ZNF354B: variants seen among roughly 807,000 people sequenced by gnomAD.
ZNF354B encodes the protein zinc finger protein 354B.
A neutral mutation model predicts 12.9 loss-of-function variants in ZNF354B; 10 were observed. The observed-to-expected ratio is 0.77, with a 90% confidence interval of 0.48 to 1.31. ZNF354B has a LOEUF of 1.31. ZNF354B is among the 40% of genes most tolerant of loss of function. ZNF354B has a pLI of 0.00. For missense variants in ZNF354B, 614 were observed against 711.7 expected, an observed-to-expected ratio of 0.86 and a Z score of 1.56; for synonymous variants, 260 against 243.7, an observed-to-expected ratio of 1.07 and a Z score of -0.62.
chr5:178,875,258 G>A (rs1050917021), intron 4 of ZNF354B, among the ~76,000 whole-genome samples: 1 of 152,212 alleles, frequency 6.6e-6, no homozygotes, highest in Non-Finnish European at 1.5e-5. Flanking sequence ...AGGCAACAGG[G>A]GAAGGGACTC....
intron 2 of ZNF354B, among the ~76,000 whole-genome samples, chr5:178,863,219 G>A (rs1437063692): frequency 3.3e-5 from 5 of 151,972 alleles, no homozygotes; most frequent in Admixed American, 1.3e-4. Flanking sequence ...AAATTTTAGA[G>A]AATAAAACAT....
intron 4 of ZNF354B, among the ~76,000 whole-genome samples, chr5:178,879,375 A>G (rs1757685595): frequency 7.0e-6 from 1 of 142,634 alleles, no homozygotes; most frequent in South Asian, 2.2e-4. Context: ...CAGAAACCAG[A>G]GTTGTTTTTG....
intron 4 of ZNF354B, among the ~76,000 whole-genome samples, chr5:178,868,368 T>C (rs1351123247): frequency 7.2e-6 from 1 of 139,220 alleles, no homozygotes; most frequent in East Asian, 2.1e-4. Flanking sequence ...ATCGTGGCAG[T>C]GGGGGACTGA....
chr5:178,862,660 G>A (rs1040310910), intron 2 of ZNF354B, among the ~76,000 whole-genome samples: 2 of 152,200 alleles, frequency 1.3e-5, no homozygotes, highest in Admixed American at 6.5e-5. Flanking sequence ...GAGCCGCCGC[G>A]CCTGGCGGCG....
At chr5:178,871,465 C>G (rs1757563958) in intron 4 of ZNF354B, among the ~76,000 whole-genome samples, 1 of 152,254 alleles carries the variant, frequency 6.6e-6, no homozygotes, top group Non-Finnish European at 1.5e-5. Flanking sequence ...CATCTCCTCA[C>G]CGTGCTTTAT....
At chr5:178,867,326 A>G (rs1176424333) in intron 4 of ZNF354B, among the ~76,000 whole-genome samples, 1 of 152,206 alleles carries the variant, frequency 6.6e-6, no homozygotes, top group African/African-American at 2.4e-5. Flanking sequence ...CATTCAGCAA[A>G]CATAGTATAT....
intron 4 of ZNF354B, among the ~76,000 whole-genome samples, chr5:178,876,067 G>A (rs568434498): frequency 9.3e-4 from 142 of 152,262 alleles, no homozygotes; most frequent in Non-Finnish European, 3.7e-4. Context: ...TGTAGCGACC[G>A]GGCCCTGTGT....
intron 2 of ZNF354B, among the ~76,000 whole-genome samples, chr5:178,862,663 T>G (rs906625561): frequency 5.3e-5 from 8 of 152,224 alleles, no homozygotes; most frequent in African/African-American, 1.9e-4. Context: ...CCGCCGCGCC[T>G]GGCGGCGTTA....
At chr5:178,876,025 A>G (rs576432718) in intron 4 of ZNF354B, among the ~76,000 whole-genome samples, 25 of 152,172 alleles carry the variant, frequency 1.6e-4, no homozygotes, top group Non-Finnish European at 3.7e-4. Context: ...GCTCATCTCC[A>G]TATGGTGGCT....
chr5:178,880,477 T>C (rs868670711), intron 4 of ZNF354B, among the ~76,000 whole-genome samples: 28 of 151,518 alleles, frequency 1.8e-4, no homozygotes, highest in Middle Eastern at 3.4e-3. Flanking sequence ...GGATTACAGG[T>C]GTGAGCCACT....
intron 4 of ZNF354B, among the ~76,000 whole-genome samples, chr5:178,868,587 G>A (rs1464569690): frequency 6.6e-6 from 1 of 152,112 alleles, no homozygotes; most frequent in African/African-American, 2.4e-5. Context: ...ACTCGGTGCT[G>A]TGAGAGTGCA....
chr5:178,875,861 A>G (rs1757627572), intron 4 of ZNF354B, among the ~76,000 whole-genome samples: 1 of 152,138 alleles, frequency 6.6e-6, no homozygotes, highest in South Asian at 2.1e-4. Context: ...CATAGGGGCT[A>G]TCAGTTGCCT....
chr5:178,872,308 T>G (rs1430866253), intron 4 of ZNF354B, among the ~76,000 whole-genome samples: 1 of 152,256 alleles, frequency 6.6e-6, no homozygotes. Flanking sequence ...TCTGTGTAGT[T>G]GTATACATCA....
chr5:178,872,186 C>T (rs1305458709), intron 4 of ZNF354B, among the ~76,000 whole-genome samples: 2 of 152,200 alleles, frequency 1.3e-5, no homozygotes, highest in East Asian at 1.9e-4. Flanking sequence ...ATGTGTTCTC[C>T]GTTCTATAAT....
chr5:178,862,021 A>G (rs148804257), intron 2 of ZNF354B, among the ~76,000 whole-genome samples: 88 of 150,772 alleles, frequency 5.8e-4, no homozygotes, highest in Admixed American at 4.3e-3. Flanking sequence ...TAATGTTGGT[A>G]GATAGAAACT....
intron 3 of ZNF354B, 148 bp downstream of exon 3, chr5:178,866,518 C>A: frequency 7.9e-7 from 1 of 1,268,060 alleles, no homozygotes. Context: ...ACATTGATAA[C>A]TTAACTTTCT....
chr5:178,883,901 A>G lies in ZNF354B; in HGVS notation c.1449A>G (p.Gln483=), dbSNP rs1757759163. 8 of 1,614,024 alleles carry G rather than the reference A, an allele frequency of 5.0e-6. No individual in the cohort carries two copies. The highest frequency in any genetic ancestry group is 1.3e-5 in the African/African-American group (1 of 74,942). Residue 483 remains glutamine (Q), a synonymous_variant, in exon 5 of 5, where the codon CAA becomes CAG. Transcript: ENST00000322434. ...KAFRQSSALI[Q]HQRMHTGERP... is the part of the protein sequence containing the mutation. ...TCAGACAGAGTTCCGCTCTCATTCA[A>G]CATCAGAGAATGCATACTGGAGAAA...
intron 4 of ZNF354B, among the ~76,000 whole-genome samples, chr5:178,867,804 TGGAATG>T (rs1416830666): frequency 1.6e-4 from 24 of 152,192 alleles, no homozygotes; most frequent in Non-Finnish European, 8.8e-5. Context: ...TAGTTACACT[TGGAATG>T]GGATTGAGAA....
Position 178,882,950 on chromosome 5 carries a change from C to G in ZNF354B, c.498C>G (p.Asn166Lys). ...ATAAAAATGTTGAATTTGGCCAAAA[C>G]TTCTACCTGAAATCAGTCTTCATTA... ...RSHKNVEFGQNFYLKSVFIKQ... is the reference protein window; with the variant it reads ...RSHKNVEFGQKFYLKSVFIKQ... The change falls in exon 5 of 5, where the codon AAC becomes AAG. Residue 166 changes from asparagine (N) to lysine (K), a missense_variant. Transcript: ENST00000322434. 2 of 1,603,424 alleles carry G rather than the reference C, an allele frequency of 1.2e-6. No homozygotes were observed. Among genetic ancestry groups the G allele is most frequent in the Non-Finnish European group, 1.7e-6 (2 of 1,177,456 alleles).
Sources: gnomAD v4.1 joint callset for allele counts (sites outside exome capture counted in the v4.1 genomes callset) on GRCh38, gnomAD v4.1.1 for gene constraint, MANE v1.5 for transcripts, NCBI Gene and HGNC (gene_info 2026-07-23, HGNC 2026-07-21) for gene names.